PLA2G6: variants seen among roughly 807,000 people sequenced by gnomAD.
The protein encoded by PLA2G6 is 85/88 kDa calcium-independent phospholipase A2.
In PLA2G6, 62 loss-of-function variants were observed where a neutral mutation model predicts 83.8. The ratio of observed to expected loss-of-function variants is 0.74; its 90% CI spans 0.60 to 0.91. PLA2G6 has a LOEUF of 0.91. PLA2G6 is among the 40% of genes least tolerant of loss of function. The probability of loss-of-function intolerance (pLI) is 0.00; values close to 1 mark genes in which losing one functional copy is unlikely to be tolerated. For synonymous variants in PLA2G6, 417 were observed against 449.8 expected, an observed-to-expected ratio of 0.93 and a Z score of 0.92; for missense variants, 944 against 1,102.0, an observed-to-expected ratio of 0.86 and a Z score of 2.03.
chr22:38,125,244 C>G (rs868662318), intron 10 of PLA2G6, among the ~76,000 whole-genome samples: 27 of 151,796 alleles, frequency 1.8e-4, no homozygotes, highest in African/African-American at 5.6e-4. Context: ...GTGTGCGTGT[C>G]CATGTGTTTG....
rs945649211 is a variant in PLA2G6, at chr22:38,161,332, G to A, written c.209+7886C>T. Among the ~76,000 whole-genome samples the A allele has an allele frequency of 4.6e-5, 7 of 151,990 alleles. No individual in the cohort carries two copies. The South Asian group carries it at 6.2e-4, about 14-fold the overall frequency. ...CTGGTTTGCAGATGGCTATCTTCTC[G>A]TTGTGCCCTCACATGGCAGAGACAG... On this transcript the variant is annotated intron_variant, in intron 2 of 16. Coordinates refer to ENST00000332509, the MANE Select transcript of PLA2G6 (RefSeq NM_003560.4).
intron 1 of PLA2G6, among the ~76,000 whole-genome samples, chr22:38,179,933 GA>G (rs1269856859): frequency 6.6e-6 from 1 of 152,032 alleles, no homozygotes; most frequent in East Asian, 1.9e-4. Context: ...GGCACTTAAA[GA>G]AATAAGACTG....
chr22:38,130,014 G>A (rs749774942), intron 7 of PLA2G6, among the ~76,000 whole-genome samples: 1 of 152,182 alleles, frequency 6.6e-6, no homozygotes, highest in South Asian at 2.1e-4. Context: ...CCGAACACAC[G>A]TGCCCCTAAT....
intron 4 of PLA2G6, chr22:38,141,105 G>A (rs2005974): frequency 0.48 from 73,390 of 151,562 alleles, 18,477 homozygotes; most frequent in African/African-American, 0.61. Context: ...GAGGCAGGAG[G>A]ATGGCATGAA....
intron 2 of PLA2G6, among the ~76,000 whole-genome samples, chr22:38,159,440 A>T (rs2089920108): frequency 6.6e-6 from 1 of 152,160 alleles, no homozygotes; most frequent in South Asian, 2.1e-4. Flanking sequence ...TAAGAAAGAA[A>T]GAATACAGGC....
At chr22:38,156,579 G>T (rs10427908) in intron 2 of PLA2G6, among the ~76,000 whole-genome samples, 2,063 of 151,960 alleles carry the variant, frequency 0.014, 48 homozygotes, top group African/African-American at 0.047. Context: ...TCAGCCTCCT[G>T]AGTAGCTGGG....
intron 4 of PLA2G6, chr22:38,142,845 C>T (rs1425158256): frequency 6.1e-5 from 32 of 523,774 alleles, no homozygotes; most frequent in African/African-American, 3.6e-4. Context: ...GGAGCTGGGC[C>T]TTTTTTGGGG....
rs132983 is a variant in PLA2G6 at position 38,167,227 on chromosome 22, C to CAA, written c.209+1989_209+1990dup. Among the ~76,000 whole-genome samples the CAA allele has an allele frequency of 1.9e-3, 203 of 107,530 alleles. 1 individual carries two copies. The highest frequency in any genetic ancestry group is 3.7e-3 in the African/African-American group (104 of 28,430). The allele number at this position is 107,530 out of a possible 152,430, so 70.5% of individuals were successfully genotyped here. A position where few individuals can be genotyped will look rare whatever the true frequency, so the allele number is the denominator to read the frequency against. On this transcript the variant is annotated intron_variant, in intron 2 of 16. Coordinates refer to ENST00000332509, the MANE Select transcript of PLA2G6 (RefSeq NM_003560.4). ...TGGGTGACAGAGCGAGACTCTGTCT[C>CAA]AAAAAAAAAAAAAAAAGAAAACAAA...
chr22:38,179,824 T>G (rs2090776438), intron 1 of PLA2G6, among the ~76,000 whole-genome samples: 1 of 151,848 alleles, frequency 6.6e-6, no homozygotes, highest in Non-Finnish European at 1.5e-5. Context: ...AAGCCTAAGT[T>G]TGAGGTGCTG....
chr22:38,125,601 C>T (rs1054358751), intron 10 of PLA2G6: 5 of 463,222 alleles, frequency 1.1e-5, no homozygotes, highest in East Asian at 7.0e-5. Context: ...GACGTGGGTT[C>T]GGAAGACCCG....
Position 38,115,558 on chromosome 22 carries a change from A to G in PLA2G6, c.2003T>C (p.Ile668Thr), listed in dbSNP as rs773162246. The part of the protein sequence containing the change: ...NNPTLDAMTE[I>T]HEYNQDLIRK... ...GATCAGGTCCTGATTGTACTCATGG[A>G]TCTCGGTCATGGCATCCAGCGTGGG... is the stretch of plus-strand genomic sequence containing the variant. Residue 668 changes from isoleucine (I) to threonine (T), a missense_variant, in exon 14 of 17, where the codon ATC becomes ACC. By Grantham distance (89) the Ile-to-Thr change is moderately conservative. Coordinates refer to ENST00000332509, the MANE Select transcript of PLA2G6 (RefSeq NM_003560.4). 3.7e-6 allele frequency: 6 copies of G among 1,613,434 alleles called. No homozygotes were observed. Among genetic ancestry groups the G allele is most frequent in the Non-Finnish European group, 5.1e-6 (6 of 1,179,890 alleles).
intron 12 of PLA2G6, 134 bp from the exon 13 acceptor site, chr22:38,116,345 C>T (rs1371751371): frequency 1.0e-6 from 1 of 968,994 alleles, no homozygotes; most frequent in South Asian, 1.4e-5. Flanking sequence ...GTGGGCTTCT[C>T]CCCGCACCAT....
intron 5 of PLA2G6, 65 bp from the exon 6 acceptor site, chr22:38,135,149 A>G (rs938582389): frequency 1.8e-6 from 2 of 1,100,040 alleles, no homozygotes; most frequent in Non-Finnish European, 2.8e-6. Context: ...GGATGAAGCC[A>G]GGACTTGGAG....
At chr22:38,167,642 C>T (rs1259675291) in intron 2 of PLA2G6, among the ~76,000 whole-genome samples, 2 of 152,190 alleles carry the variant, frequency 1.3e-5, no homozygotes, top group African/African-American at 2.4e-5. Flanking sequence ...CTGGAATGGC[C>T]CCACTGTATT....
At position 38,123,913 on chromosome 22, in the gene PLA2G6, G is replaced by A. The variant is rs955241839; in HGVS notation, c.1428-655C>T. Among the ~76,000 whole-genome samples, 1 of 152,098 alleles carries A rather than the reference G, an allele frequency of 6.6e-6. No homozygotes were observed. The highest frequency in any genetic ancestry group is 1.5e-5 in the Non-Finnish European group (1 of 68,022). On this transcript the variant is annotated intron_variant, in intron 10 of 16. Transcript: ENST00000332509. This position sits in a 1 kb window ranked among gnomAD's most constrained non-coding sequence, Gnocchi z 4.1. Reference sequence around the variant, plus strand: ...TGCAATAACGCGATCTCGGCTCACCGCAACCTCTGCCTCCCGGGTTCAAAC... The same window carrying A: ...TGCAATAACGCGATCTCGGCTCACCACAACCTCTGCCTCCCGGGTTCAAAC...
chr22:38,159,725 A>G (rs1014113980), intron 2 of PLA2G6, among the ~76,000 whole-genome samples: 6 of 143,210 alleles, frequency 4.2e-5, no homozygotes, highest in Admixed American at 1.4e-4. Flanking sequence ...GAGATAGATG[A>G]AAGGAAGGAA....
intron 1 of PLA2G6, among the ~76,000 whole-genome samples, chr22:38,172,642 G>A (rs2090479425): frequency 6.6e-6 from 1 of 152,260 alleles, no homozygotes; most frequent in Non-Finnish European, 1.5e-5. Context: ...GTGGGACTCA[G>A]GCCTGGCCTG....
At chr22:38,134,917 C>T in intron 6 of PLA2G6, 71 bp downstream of exon 6, 1 of 1,132,012 alleles carries the variant, frequency 8.8e-7, no homozygotes, top group Non-Finnish European at 1.3e-6. Flanking sequence ...CGGGAACCTG[C>T]TTCCTGAGGG....
At chr22:38,150,563 A>G (rs1602206137) in intron 2 of PLA2G6, 1 of 152,272 alleles carries the variant, frequency 6.6e-6, no homozygotes, top group East Asian at 1.9e-4. Flanking sequence ...TTTGTTACAC[A>G]GCAATAACTG....
Sources: gnomAD v4.1 joint callset for allele counts (sites outside exome capture counted in the v4.1 genomes callset) on GRCh38, gnomAD v4.1.1 for gene constraint, Gnocchi (gnomAD v3.1) non-coding constraint, MANE v1.5 for transcripts, NCBI Gene and HGNC (gene_info 2026-07-23, HGNC 2026-07-21) for gene names.